ADAMTS20: variants seen among roughly 807,000 people sequenced by gnomAD.
ADAMTS20 encodes the protein ADAM metallopeptidase with thrombospondin type 1 motif 20.
In ADAMTS20, 225 loss-of-function variants were observed where a neutral mutation model predicts 260.1. That is an observed-to-expected ratio of 0.87 (90% CI 0.78 to 0.97). The LOEUF is 0.97. Ranked by LOEUF, ADAMTS20 falls within the 50% of genes least tolerant of loss-of-function variation. The probability of loss-of-function intolerance (pLI) is 0.00; values close to 1 mark genes in which losing one functional copy is unlikely to be tolerated. For synonymous variants in ADAMTS20, 802 were observed against 769.5 expected, an observed-to-expected ratio of 1.04 and a Z score of -0.70; for missense variants, 2,400 against 2,337.7, an observed-to-expected ratio of 1.03 and a Z score of -0.55.
intron 3 of ADAMTS20, among the ~76,000 whole-genome samples, chr12:43,530,795 T>TC (rs1480688989): frequency 9.9e-5 from 15 of 152,094 alleles, no homozygotes; most frequent in African/African-American, 3.6e-4. Flanking sequence ...GTAAGTATTT[T>TC]ACCAGCCACA....
intron 3 of ADAMTS20, among the ~76,000 whole-genome samples, chr12:43,524,292 A>T (rs1390609170): frequency 8.8e-6 from 1 of 113,496 alleles, no homozygotes; most frequent in African/African-American, 3.2e-5. Flanking sequence ...GCCTAATTAC[A>T]CTACAGTAAA....
At chr12:43,425,394 C>A in intron 28 of ADAMTS20, 120 bp downstream of exon 28, 1 of 890,812 alleles carries the variant, frequency 1.1e-6, no homozygotes, top group Non-Finnish European at 1.5e-6. Context: ...ACCTGCACAT[C>A]TTGCACATGT....
In ADAMTS20 at chr12:43,551,716, TC is replaced by T. The variant is rs1426994475; in HGVS notation, c.91+114del. 35 of 1,099,584 alleles carry T rather than the reference TC, an allele frequency of 3.2e-5. No homozygotes were observed. Among genetic ancestry groups the T allele is most frequent in the Non-Finnish European group, 4.4e-5 (33 of 749,388 alleles). 68.1% of individuals were successfully genotyped at this position (1,099,584 alleles called of 1,614,324 possible). ...TGACTGGTCCGGGAGTCCCGGGAGC[TC>T]CAGCAGGGCCAGCGTTCCCCAACGG... On this transcript the variant is annotated intron_variant, in intron 1 of 38. Coordinates refer to ENST00000389420, the MANE Select transcript of ADAMTS20 (RefSeq NM_025003.5). This position sits in a 1 kb window ranked among gnomAD's most constrained non-coding sequence, Gnocchi z 4.6.
In ADAMTS20 at chr12:43,531,611, T is replaced by C. The variant is rs1467750647; in HGVS notation, c.613+425A>G. ...GAACTCATAGATGTAAAGAGTGGAATGGTGGTTACCAGAGGCTACAGTTGC... is the reference window on the plus strand; with the variant it reads ...GAACTCATAGATGTAAAGAGTGGAACGGTGGTTACCAGAGGCTACAGTTGC... On this transcript the variant is annotated intron_variant, in intron 3 of 38. Coordinates refer to ENST00000389420, the MANE Select transcript of ADAMTS20 (RefSeq NM_025003.5). 4.6e-5 allele frequency among the ~76,000 whole-genome samples: 7 copies of C among 152,124 alleles called. No homozygotes were observed. The East Asian group carries it at 1.2e-3, about 25-fold the overall frequency.
intron 28 of ADAMTS20, among the ~76,000 whole-genome samples, chr12:43,410,362 T>C (rs987429782): frequency 3.9e-5 from 6 of 152,154 alleles, no homozygotes; most frequent in Non-Finnish European, 8.8e-5. Flanking sequence ...AGATTTTACA[T>C]AGCTGTTCAA....
chr12:43,533,419 G>A (rs1461910908), intron 2 of ADAMTS20, among the ~76,000 whole-genome samples: 5 of 140,562 alleles, frequency 3.6e-5, no homozygotes, highest in Admixed American at 7.2e-5. Flanking sequence ...CAACTTACAA[G>A]GGATGTGAAG....
chr12:43,541,916 TA>T (rs1943381700), intron 2 of ADAMTS20, among the ~76,000 whole-genome samples: 1 of 152,190 alleles, frequency 6.6e-6, no homozygotes, highest in African/African-American at 2.4e-5. Flanking sequence ...CTTACCTTTT[TA>T]AAAGGGACTG....
intron 18 of ADAMTS20, among the ~76,000 whole-genome samples, chr12:43,439,100 A>G (rs1592069308): frequency 1.3e-5 from 2 of 152,190 alleles, no homozygotes; most frequent in Middle Eastern, 6.8e-3. Flanking sequence ...TTTCCCTACT[A>G]TAAATTGTCC....
chr12:43,419,833 G>T (rs1941196102), intron 28 of ADAMTS20, among the ~76,000 whole-genome samples: 1 of 152,056 alleles, frequency 6.6e-6, no homozygotes, highest in East Asian at 1.9e-4. Context: ...TTTCAAATCT[G>T]CAGGGCCCAA....
At chr12:43,419,124 A>G (rs1281941599) in intron 28 of ADAMTS20, among the ~76,000 whole-genome samples, 1 of 152,134 alleles carries the variant, frequency 6.6e-6, no homozygotes, top group Non-Finnish European at 1.5e-5. Flanking sequence ...TAAAAATTAT[A>G]TTTAACATTA....
At chr12:43,448,606 G>A (rs934760867) in intron 14 of ADAMTS20, among the ~76,000 whole-genome samples, 8 of 151,990 alleles carry the variant, frequency 5.3e-5, no homozygotes, top group South Asian at 2.1e-4. Context: ...TGAAGACACC[G>A]AAAGCAATTG....
chr12:43,358,728 A>T (rs1000856849), intron 37 of ADAMTS20, among the ~76,000 whole-genome samples: 13 of 150,316 alleles, frequency 8.6e-5, no homozygotes, highest in East Asian at 2.0e-4. Context: ...TCCCAGCTAC[A>T]CGGGAGGCTG....
intron 29 of ADAMTS20, among the ~76,000 whole-genome samples, chr12:43,390,033 T>C (rs1181145879): frequency 6.6e-6 from 1 of 152,212 alleles, no homozygotes; most frequent in Non-Finnish European, 1.5e-5. Context: ...GCCATTGCTG[T>C]ACTTGGGACC....
chr12:43,453,299 TTAAG>T (rs540417451), intron 12 of ADAMTS20, among the ~76,000 whole-genome samples: 3 of 152,276 alleles, frequency 2.0e-5, no homozygotes, highest in Admixed American at 2.0e-4. Context: ...TAATAATACT[TTAAG>T]TAAAGAGTAT....
At chr12:43,434,473 C>A (rs1234611936) in intron 18 of ADAMTS20, 102 bp from the exon 19 acceptor site, 3 of 1,260,710 alleles carry the variant, frequency 2.4e-6, no homozygotes, top group Non-Finnish European at 3.2e-6. Flanking sequence ...GCCAGCTAAG[C>A]AAGTAAAAAT....
At chr12:43,416,763 C>T (rs1565687694) in intron 28 of ADAMTS20, among the ~76,000 whole-genome samples, 1 of 152,070 alleles carries the variant, frequency 6.6e-6, no homozygotes, top group African/African-American at 2.4e-5. Flanking sequence ...ACCTCGTGAT[C>T]CGACCGCCTC....
intron 31 of ADAMTS20, among the ~76,000 whole-genome samples, chr12:43,381,351 A>C (rs1940346329): frequency 6.6e-6 from 1 of 152,158 alleles, no homozygotes; most frequent in Non-Finnish European, 1.5e-5. Flanking sequence ...TAAAACAAAA[A>C]ACAAAATAAA....
At position 43,430,339 on chromosome 12, in the gene ADAMTS20, T is replaced by C; in HGVS notation, c.3381+13A>G. ...CATAAATCTTTTTGTTTGTAAACCA[T>C]GATTCTTTTTACCTGTCTGTCACTG... On this transcript the variant is annotated intron_variant, in intron 23 of 38. Transcript: ENST00000389420. 1 of 1,607,970 alleles carries C rather than the reference T, an allele frequency of 6.2e-7. No individual in the cohort carries two copies. Among genetic ancestry groups the C allele is most frequent in the Non-Finnish European group, 8.5e-7 (1 of 1,177,332 alleles).
At chr12:43,541,100 C>A (rs532342386) in intron 2 of ADAMTS20, among the ~76,000 whole-genome samples, 3 of 152,248 alleles carry the variant, frequency 2.0e-5, no homozygotes, top group African/African-American at 7.2e-5. Flanking sequence ...CCTTTGAACT[C>A]TTTTCCCAAA....
Sources: allele counts gnomAD v4.1 joint callset (sites outside exome capture counted in the v4.1 genomes callset), GRCh38; gene constraint gnomAD v4.1.1; non-coding constraint Gnocchi (gnomAD v3.1); transcripts MANE v1.5; gene names NCBI Gene and HGNC (gene_info 2026-07-23, HGNC 2026-07-21).